The following PRKN variants were observed in gnomAD, a reference collection of about 807,000 sequenced individuals.
PRKN encodes the protein parkin RBR E3 ubiquitin protein ligase.
A neutral mutation model predicts 59.5 loss-of-function variants in PRKN; 56 were observed. The observed-to-expected ratio is 0.94, with a 90% confidence interval of 0.76 to 1.18. The LOEUF (loss-of-function observed/expected upper bound fraction) is 1.18, where lower values mean the gene tolerates loss of function less well. Among genes scored for constraint, PRKN ranks in the 50% most tolerant of loss-of-function variants. The pLI is 0.00. For synonymous variants in PRKN, 250 were observed against 222.1 expected (o/e 1.13, Z -1.12); for missense variants, 657 against 596.4 (o/e 1.10, Z -1.06).
intron 2 of PRKN, among the ~76,000 whole-genome samples, chr6:162,391,585 G>C (rs1323084425): frequency 6.6e-6 from 1 of 151,690 alleles, no homozygotes; most frequent in Non-Finnish European, 1.5e-5. Flanking sequence ...CATGCTTGAC[G>C]TGGATTTCGA....
At chr6:162,406,090 T>A (rs1470282044) in intron 2 of PRKN, among the ~76,000 whole-genome samples, 1 of 152,244 alleles carries the variant, frequency 6.6e-6, no homozygotes, top group South Asian at 2.1e-4. Context: ...CAATTCACTT[T>A]GATTAATGAC....
At chr6:161,768,077 G>GTT (rs11366170) in intron 7 of PRKN, among the ~76,000 whole-genome samples, 1 of 149,016 alleles carries the variant, frequency 6.7e-6, no homozygotes, top group Non-Finnish European at 1.5e-5. Context: ...GTCTAATTAA[G>GTT]TTTTTTTTTT....
intron 7 of PRKN, among the ~76,000 whole-genome samples, chr6:161,673,544 A>T (rs191369780): frequency 3.9e-5 from 6 of 152,310 alleles, no homozygotes; most frequent in African/African-American, 1.4e-4. Flanking sequence ...ATTCCAAGGG[A>T]GCTGAGAAGC....
At chr6:161,915,874 G>C (rs961703848) in intron 6 of PRKN, among the ~76,000 whole-genome samples, 1 of 152,188 alleles carries the variant, frequency 6.6e-6, no homozygotes, top group Non-Finnish European at 1.5e-5. Context: ...GCACACAAGA[G>C]AGGGTCCCCA....
At chr6:161,886,902 T>C (rs1308789203) in intron 6 of PRKN, among the ~76,000 whole-genome samples, 1 of 152,106 alleles carries the variant, frequency 6.6e-6, no homozygotes, top group Non-Finnish European at 1.5e-5. Context: ...ACAAAATGAC[T>C]GAAATCATAC....
At chr6:161,777,731 CTATA>C (rs1474533200) in intron 7 of PRKN, among the ~76,000 whole-genome samples, 4 of 132,952 alleles carry the variant, frequency 3.0e-5, no homozygotes, top group African/African-American at 1.1e-4. Context: ...ACATATATAT[CTATA>C]TATGTATATA....
At chr6:161,398,423 G>A (rs938855218) in intron 9 of PRKN, among the ~76,000 whole-genome samples, 8 of 152,076 alleles carry the variant, frequency 5.3e-5, no homozygotes, top group South Asian at 4.1e-4. Context: ...CAGAAAACCC[G>A]AATTTCAGGC....
chr6:162,055,019 G>A (rs1274072786), intron 4 of PRKN, among the ~76,000 whole-genome samples: 1 of 152,110 alleles, frequency 6.6e-6, no homozygotes, highest in Non-Finnish European at 1.5e-5. Flanking sequence ...AAAATTAGCT[G>A]GGTGTGGTGG....
intron 1 of PRKN, among the ~76,000 whole-genome samples, chr6:162,594,367 A>T (rs1583872023): frequency 6.6e-6 from 1 of 152,296 alleles, no homozygotes; most frequent in South Asian, 2.1e-4. Context: ...AAATATATCC[A>T]ATGGATCTCA....
chr6:162,400,008 C>T (rs1318375290), intron 2 of PRKN, among the ~76,000 whole-genome samples: 1 of 152,120 alleles, frequency 6.6e-6, no homozygotes, highest in African/African-American at 2.4e-5. Context: ...GAGTTTGAGA[C>T]CAGCCTGGTC....
intron 7 of PRKN, among the ~76,000 whole-genome samples, chr6:161,599,065 C>T (rs146600409): frequency 6.6e-6 from 1 of 152,160 alleles, no homozygotes; most frequent in African/African-American, 2.4e-5. Flanking sequence ...AATGCCGACT[C>T]CTGGCAACAC....
intron 1 of PRKN, among the ~76,000 whole-genome samples, chr6:162,492,962 A>C (rs1419083794): frequency 6.6e-6 from 1 of 151,202 alleles, no homozygotes; most frequent in East Asian, 1.9e-4. Flanking sequence ...CAAACAAAAA[A>C]AAAAAAAAAA....
chr6:161,487,633 T>TATTA lies in PRKN; in HGVS notation c.1083+61217_1083+61220dup, dbSNP rs1447756922. Among the ~76,000 whole-genome samples the TATTA allele has an allele frequency of 6.6e-6, 1 of 152,236 alleles. No homozygotes were observed. Among genetic ancestry groups the TATTA allele is most frequent in the African/African-American group, 2.4e-5 (1 of 41,460 alleles). On this transcript the variant is annotated intron_variant, in intron 9 of 11. Transcript: ENST00000366898. The surrounding 1 kb of genome is among the most constrained non-coding windows in gnomAD (Gnocchi z 5.3). ...CTACAAGGAGAAATTAGTTGAATAA[T>TATTA]ATTAAATATTGACTACTGATATGAT...
chr6:162,025,583 CTTTTTTTTTTTT>C (rs1177676968), intron 5 of PRKN, among the ~76,000 whole-genome samples: 9 of 59,006 alleles, frequency 1.5e-4, no homozygotes, highest in South Asian at 1.9e-3. Flanking sequence ...ATCCATGGTG[CTTTTTTTTTTTT>C]TTTTTTTTTT....
At chr6:162,136,943 G>A (rs556215919) in intron 4 of PRKN, among the ~76,000 whole-genome samples, 11 of 151,888 alleles carry the variant, frequency 7.2e-5, no homozygotes, top group African/African-American at 2.4e-4. Context: ...TACTTTGTAA[G>A]TATAAAAATA....
At chr6:161,374,101 G>A (rs931676182) in intron 10 of PRKN, among the ~76,000 whole-genome samples, 1 of 152,170 alleles carries the variant, frequency 6.6e-6, no homozygotes, top group South Asian at 2.1e-4. Flanking sequence ...TACTGAGTGG[G>A]GTGTGCAGAG....
chr6:161,766,954 A>T (rs1158029236), intron 7 of PRKN, among the ~76,000 whole-genome samples: 1 of 152,108 alleles, frequency 6.6e-6, no homozygotes, highest in Non-Finnish European at 1.5e-5. Context: ...GCAGAAGGAG[A>T]TTATTAGTAT....
intron 1 of PRKN, among the ~76,000 whole-genome samples, chr6:162,648,831 C>T (rs1212503905): frequency 1.3e-5 from 2 of 152,178 alleles, no homozygotes; most frequent in African/African-American, 4.8e-5. Context: ...AGGTCAAACA[C>T]TCACCTAGAT....
chr6:161,629,151 A>G (rs1456979899), intron 7 of PRKN, among the ~76,000 whole-genome samples: 1 of 152,156 alleles, frequency 6.6e-6, no homozygotes, highest in African/African-American at 2.4e-5. Flanking sequence ...ATGCTCATGC[A>G]TCTGGGCTTT....
Sources: allele counts gnomAD v4.1 joint callset (sites outside exome capture counted in the v4.1 genomes callset), GRCh38; gene constraint gnomAD v4.1.1; non-coding constraint Gnocchi (gnomAD v3.1); transcripts MANE v1.5; gene names NCBI Gene and HGNC (gene_info 2026-07-23, HGNC 2026-07-21).